Variants in SLC15A2 observed in about 807,000 individuals in gnomAD.
The protein encoded by SLC15A2 is kidney H(+)/peptide cotransporter.
SLC15A2 carries 77 observed loss-of-function variants against 95.5 expected under a neutral mutation model. The observed-to-expected ratio is 0.81, with a 90% CI of 0.67 to 0.97. The LOEUF is 0.97. SLC15A2 is among the 50% of genes least tolerant of loss of function. The pLI, the probability that SLC15A2 is intolerant of heterozygous loss-of-function variation, is 0.00. For synonymous variants in SLC15A2, 306 were observed against 306.9 expected (o/e 1.00, Z 0.03); for missense variants, 893 against 874.4 (o/e 1.02, Z -0.27).
chr3:121,901,373 A>G (rs1360888783), intron 3 of SLC15A2, among the ~76,000 whole-genome samples: 2 of 152,216 alleles, frequency 1.3e-5, no homozygotes, highest in Non-Finnish European at 2.9e-5. Flanking sequence ...ATAGGCCCAC[A>G]GTAAATCTTC....
intron 21 of SLC15A2, 70 bp from the exon 22 acceptor site, chr3:121,940,761 C>A: frequency 6.6e-7 from 1 of 1,507,900 alleles, no homozygotes; most frequent in Non-Finnish European, 9.0e-7. Flanking sequence ...GCTCCCCACT[C>A]CTCATCCTGT....
chr3:121,937,267 A>G lies in SLC15A2; in HGVS notation c.1762-2082A>G, dbSNP rs534182573. Among the ~76,000 whole-genome samples the G allele has an allele frequency of 2.0e-3, 154 of 77,768 alleles. 1 individual carries two copies. The highest frequency in any genetic ancestry group is 7.6e-3 in the African/African-American group (146 of 19,238). The allele number at this position is 77,768 out of a possible 152,430, so 51.0% of individuals were successfully genotyped here. The stretch of plus-strand genomic sequence containing the variant: ...CTTGGAGTTGCTCTTCTCGAGGAGT[A>G]TCTTTGTGGCGTTCTCTGTATTTCC... On this transcript the variant is annotated intron_variant, in intron 19 of 21. Transcript: ENST00000489711.
At position 121,944,052 on chromosome 3, in the gene SLC15A2, CA is replaced by C. The variant is rs1415063244; in HGVS notation, c.*3048del. The C allele has an allele frequency of 1.3e-5, 2 of 152,116 alleles. No homozygotes were observed. The highest frequency in any genetic ancestry group is 2.1e-4 in the South Asian group (1 of 4,828). 9.4% of individuals were successfully genotyped at this position (152,116 alleles called of 1,614,324 possible). On this transcript the variant is annotated 3_prime_UTR_variant, in exon 22 of 22. Transcript: ENST00000489711. ...ATTCATTTGAAAAAATGTGGACACA[CA>C]AATTGGAAAAGAGGTATAAATGCAG...
intron 19 of SLC15A2, among the ~76,000 whole-genome samples, chr3:121,936,125 A>T (rs1710341567): frequency 6.6e-6 from 1 of 152,152 alleles, no homozygotes; most frequent in African/African-American, 2.4e-5. Context: ...CTGTGGTCTG[A>T]GAGATAGTTT....
chr3:121,918,222 C>T lies in SLC15A2; in HGVS notation c.697+2529C>T, dbSNP rs1423954120. On this transcript the variant is annotated intron_variant, in intron 7 of 21. Transcript: ENST00000489711. ...CCTAATCTGGCCCTGGTTGAATTAA[C>T]AAACCTTAGAATGGTTAGATATGTT... Among the ~76,000 whole-genome samples the T allele has an allele frequency of 4.6e-5, 7 of 152,242 alleles. No homozygotes were observed. The South Asian group carries it at 8.3e-4, about 18-fold the overall frequency.
chr3:121,928,158 T>A, intron 14 of SLC15A2: 1 of 542,886 alleles, frequency 1.8e-6, no homozygotes, highest in Non-Finnish European at 3.3e-6. Context: ...TTTGGCAGAT[T>A]GAATAGCCAC....
At chr3:121,909,354 C>CA (rs1332844331) in intron 3 of SLC15A2, among the ~76,000 whole-genome samples, 2 of 152,320 alleles carry the variant, frequency 1.3e-5, no homozygotes, top group East Asian at 3.9e-4. Context: ...TGAACCACTG[C>CA]AACTGGCCCA....
At chr3:121,904,504 T>C in intron 3 of SLC15A2, among the ~76,000 whole-genome samples, 1 of 152,228 alleles carries the variant, frequency 6.6e-6, no homozygotes, top group Non-Finnish European at 1.5e-5. Flanking sequence ...AGATAGCTCT[T>C]ATTATTTTGA....
At chr3:121,934,411 C>G (rs1230952524) in intron 19 of SLC15A2, among the ~76,000 whole-genome samples, 1 of 151,958 alleles carries the variant, frequency 6.6e-6, no homozygotes, top group Non-Finnish European at 1.5e-5. Context: ...AATGTTCTTC[C>G]ATTTGTTTGT....
intron 3 of SLC15A2, among the ~76,000 whole-genome samples, chr3:121,901,613 T>C (rs1292949730): frequency 3.3e-5 from 5 of 151,794 alleles, no homozygotes; most frequent in Non-Finnish European, 5.9e-5. Flanking sequence ...TGTGCATGTG[T>C]GTGTAACATA....
chr3:121,929,983 A>C (rs181623268), intron 17 of SLC15A2, among the ~76,000 whole-genome samples: 2 of 152,368 alleles, frequency 1.3e-5, no homozygotes, highest in Admixed American at 1.3e-4. Context: ...ACTTTTAGTG[A>C]AAAGTCTGGA....
chr3:121,919,830 T>C (rs1427647420), intron 7 of SLC15A2, among the ~76,000 whole-genome samples: 1 of 152,130 alleles, frequency 6.6e-6, no homozygotes, highest in African/African-American at 2.4e-5. Context: ...AATAATCCAG[T>C]GGAGAAAGAG....
chr3:121,929,751 G>A (rs938399410), intron 17 of SLC15A2, among the ~76,000 whole-genome samples: 3 of 152,134 alleles, frequency 2.0e-5, no homozygotes, highest in Non-Finnish European at 4.4e-5. Flanking sequence ...TAAGCCTGTA[G>A]AGGCATCATG....
At chr3:121,927,416 T>C (rs1194409617) in intron 13 of SLC15A2, among the ~76,000 whole-genome samples, 1 of 152,234 alleles carries the variant, frequency 6.6e-6, no homozygotes, top group African/African-American at 2.4e-5. Context: ...GAATGAGTTC[T>C]CACAAGATCT....
At chr3:121,931,038 G>A in intron 18 of SLC15A2, 88 bp downstream of exon 18, 1 of 798,964 alleles carries the variant, frequency 1.3e-6, no homozygotes, top group Non-Finnish European at 2.1e-6. Context: ...GAACTTAGGT[G>A]CATGTGGTCT....
At chr3:121,896,260 T>G (rs749772738) in intron 1 of SLC15A2, 146 bp from the exon 2 acceptor site, 3 of 650,764 alleles carry the variant, frequency 4.6e-6, no homozygotes, top group African/African-American at 1.8e-5. Flanking sequence ...TGTTACCTAA[T>G]AGGTGTGTCA....
chr3:121,899,157 G>T lies in SLC15A2; in HGVS notation c.335+1628G>T, dbSNP rs367961838. ...TAAGATTGAAGAAGTACAGTTACAG[G>T]ATTTGGTGAGCAATTGTTTCCTGGT... On this transcript the variant is annotated intron_variant, in intron 3 of 21. Transcript: ENST00000489711. Among the ~76,000 whole-genome samples the T allele has an allele frequency of 2.4e-4, 37 of 152,228 alleles. 1 individual carries two copies. The South Asian group carries it at 4.6e-3, about 19-fold the overall frequency.
Position 121,928,510 on chromosome 3 carries a change from A to C in SLC15A2, c.1296A>C (p.Gly432=). 7 of 1,614,158 alleles carry C rather than the reference A, an allele frequency of 4.3e-6. No individual in the cohort carries two copies. The highest frequency in any genetic ancestry group is 5.9e-6 in the Non-Finnish European group (7 of 1,179,972). The change falls in exon 15 of 22, where the codon GGA becomes GGC. Residue 432 remains glycine, a synonymous_variant. Transcript: ENST00000489711. ...ADDEVKVTVV[G]NENNSLLIES... ...ATGAGGTGAAGGTGACAGTGGTGGG[A>C]AATGAAAACAATTCTCTGTTGATAG...
At chr3:121,938,129 T>C (rs1169517594) in intron 19 of SLC15A2, among the ~76,000 whole-genome samples, 1 of 151,640 alleles carries the variant, frequency 6.6e-6, no homozygotes, top group Admixed American at 6.6e-5. Context: ...CGTTCTCAGA[T>C]CTCCAGCTGC....
Sources: allele counts gnomAD v4.1 joint callset (sites outside exome capture counted in the v4.1 genomes callset), GRCh38; gene constraint gnomAD v4.1.1; transcripts MANE v1.5; gene names NCBI Gene and HGNC (gene_info 2026-07-23, HGNC 2026-07-21).